OSBPL10: variants seen among roughly 807,000 people sequenced by gnomAD.
The protein encoded by OSBPL10 is oxysterol-binding protein-related protein 10.
OSBPL10 carries 49 observed loss-of-function variants against 81.7 expected under a neutral mutation model. The observed-to-expected ratio is 0.60, with a 90% confidence interval of 0.48 to 0.76. The LOEUF is 0.76. Among genes scored for constraint, OSBPL10 ranks in the 30% least tolerant of loss-of-function variants. The pLI is 0.00. For synonymous variants in OSBPL10, 419 were observed against 383.6 expected (o/e 1.09, Z -1.08); for missense variants, 923 against 987.8 (o/e 0.93, Z 0.88).
Position 31,712,928 on chromosome 3 carries a change from T to TG in OSBPL10, c.1096-10421_1096-10420insC, listed in dbSNP as rs1366620372. On this transcript the variant is annotated intron_variant, in intron 6 of 11. Transcript: ENST00000396556. ...ACCATCCTTGACTTTAATTTCTTGCTTACGCACTGTTCCACATCACATCCA... is the reference window on the plus strand; with the variant it reads ...ACCATCCTTGACTTTAATTTCTTGCTGTACGCACTGTTCCACATCACATCCA... Among the ~76,000 whole-genome samples, 4 of 116,130 alleles carry TG rather than the reference T, an allele frequency of 3.4e-5. No homozygotes were observed. In the East Asian group the frequency reaches 8.6e-4, roughly 25 times the overall value. The allele number at this position is 116,130 out of a possible 152,430, so 76.2% of individuals were successfully genotyped here.
chr3:31,891,823 C>A (rs553501460), intron 1 of OSBPL10, among the ~76,000 whole-genome samples: 1 of 152,228 alleles, frequency 6.6e-6, no homozygotes, highest in Admixed American at 6.5e-5. Flanking sequence ...AGAAGAGAAT[C>A]CATATAAAAG....
intron 1 of OSBPL10, among the ~76,000 whole-genome samples, chr3:31,951,601 C>A (rs770324647): frequency 6.6e-6 from 1 of 151,316 alleles, no homozygotes; most frequent in Non-Finnish European, 1.5e-5. Flanking sequence ...TGCATATATT[C>A]TTTAATATAA....
chr3:32,012,831 C>G (rs1023060584), intron 2 of OSBPL10, among the ~76,000 whole-genome samples: 4 of 152,044 alleles, frequency 2.6e-5, no homozygotes, highest in African/African-American at 9.7e-5. Context: ...CAACAAAGAT[C>G]AAAAGAGACC....
chr3:31,742,978 C>A (rs1268163448), intron 5 of OSBPL10, among the ~76,000 whole-genome samples: 4 of 151,210 alleles, frequency 2.6e-5, no homozygotes, highest in Non-Finnish European at 5.9e-5. Flanking sequence ...TAGGAGCCAC[C>A]AGTAATGGTA....
intron 1 of OSBPL10, among the ~76,000 whole-genome samples, chr3:31,969,965 C>T (rs1459699190): frequency 6.6e-6 from 1 of 151,986 alleles, no homozygotes. Context: ...GATTATCTTG[C>T]AGTGGAATTA....
chr3:31,833,705 GCACACACACACA>G (rs10591808), intron 3 of OSBPL10, among the ~76,000 whole-genome samples: 6 of 137,962 alleles, frequency 4.3e-5, no homozygotes, highest in Admixed American at 1.5e-4. Flanking sequence ...ACACGCACAC[GCACACACACACA>G]CACACACACA....
At chr3:32,002,184 CAG>C (rs1699155946) in intron 2 of OSBPL10, among the ~76,000 whole-genome samples, 2 of 152,248 alleles carry the variant, frequency 1.3e-5, no homozygotes, top group South Asian at 4.1e-4. Flanking sequence ...GCCCATTCAA[CAG>C]AAATTGCTTC....
At chr3:31,862,188 AT>A (rs1205345417) in intron 3 of OSBPL10, among the ~76,000 whole-genome samples, 1 of 152,030 alleles carries the variant, frequency 6.6e-6, no homozygotes, top group Non-Finnish European at 1.5e-5. Context: ...TTTTTTTTTA[AT>A]TTTTTTAAAG....
At chr3:31,824,532 G>A (rs866915614) in intron 4 of OSBPL10, among the ~76,000 whole-genome samples, 29 of 152,120 alleles carry the variant, frequency 1.9e-4, no homozygotes, top group African/African-American at 6.5e-4. Context: ...GGAAACGATC[G>A]CAAGGTTTGA....
At chr3:31,840,774 T>G (rs1040813835) in intron 3 of OSBPL10, among the ~76,000 whole-genome samples, 1 of 152,250 alleles carries the variant, frequency 6.6e-6, no homozygotes, top group Non-Finnish European at 1.5e-5. Flanking sequence ...ATGGAACACA[T>G]ACACAGGTGT....
intron 6 of OSBPL10, among the ~76,000 whole-genome samples, chr3:31,731,306 A>G (rs1696964201): frequency 1.3e-5 from 2 of 152,016 alleles, no homozygotes; most frequent in Admixed American, 1.3e-4. Flanking sequence ...TCTACTCCAT[A>G]AGACTTTCCC....
intron 3 of OSBPL10, among the ~76,000 whole-genome samples, chr3:31,871,215 TG>T (rs1701315961): frequency 6.6e-6 from 1 of 152,122 alleles, no homozygotes; most frequent in Non-Finnish European, 1.5e-5. Context: ...TTTTATGAGC[TG>T]TAACACTCAC....
At chr3:31,838,502 C>A (rs1028553861) in intron 3 of OSBPL10, among the ~76,000 whole-genome samples, 1 of 109,414 alleles carries the variant, frequency 9.1e-6, no homozygotes, top group Non-Finnish European at 1.7e-5. Context: ...CAGAGCAAGA[C>A]TCTGTCAAAA....
At chr3:31,726,878 C>A (rs1002006203) in intron 6 of OSBPL10, among the ~76,000 whole-genome samples, 1 of 125,910 alleles carries the variant, frequency 7.9e-6, no homozygotes, top group Non-Finnish European at 1.5e-5. Context: ...GGATCTCACT[C>A]TGTCACCAAG....
At chr3:31,908,469 C>G (rs775836052) in intron 1 of OSBPL10, among the ~76,000 whole-genome samples, 1 of 152,134 alleles carries the variant, frequency 6.6e-6, no homozygotes, top group Non-Finnish European at 1.5e-5. Context: ...AGAGCCACCC[C>G]CTTCTCTTGC....
At chr3:31,855,072 C>A (rs1224432478) in intron 3 of OSBPL10, among the ~76,000 whole-genome samples, 1 of 152,152 alleles carries the variant, frequency 6.6e-6, no homozygotes, top group Admixed American at 6.5e-5. Flanking sequence ...GTGTCCCCAG[C>A]CTGGGGTGCA....
intron 2 of OSBPL10, chr3:31,989,406 T>A: frequency 6.2e-7 from 1 of 1,614,142 alleles, no homozygotes; most frequent in South Asian, 1.1e-5. Context: ...GGAAAGATAT[T>A]CATGACTTTG....
At chr3:31,819,247 G>A (rs1352899826) in intron 4 of OSBPL10, among the ~76,000 whole-genome samples, 2 of 152,176 alleles carry the variant, frequency 1.3e-5, no homozygotes, top group Non-Finnish European at 2.9e-5. Context: ...GAAGGGTGAC[G>A]ATGGCAGCTT....
rs760660943 is a variant in OSBPL10, at chr3:31,901,672, G to C, written c.282-21842C>G. The stretch of plus-strand genomic sequence containing the variant: ...TTTGTTAACATCCACACATTCACTA[G>C]ACTGCATGTCCTTCAGGGCGGAACC... On this transcript the variant is annotated intron_variant, in intron 1 of 11. Transcript: ENST00000396556. 2.0e-5 allele frequency among the ~76,000 whole-genome samples: 3 copies of C among 152,242 alleles called. 1 individual carries two copies. The South Asian group carries it at 6.2e-4, about 32-fold the overall frequency.
Sources: allele counts gnomAD v4.1 joint callset (sites outside exome capture counted in the v4.1 genomes callset), GRCh38; gene constraint gnomAD v4.1.1; transcripts MANE v1.5; gene names NCBI Gene and HGNC (gene_info 2026-07-23, HGNC 2026-07-21).